The following GREB1L variants were observed in gnomAD, a reference collection of about 807,000 sequenced individuals.
GREB1L encodes the protein GREB1-like protein.
GREB1L carries 17 observed loss-of-function variants against 200.8 expected under a neutral mutation model. The observed-to-expected ratio is 0.08, with a 90% CI of 0.06 to 0.13. The LOEUF (loss-of-function observed/expected upper bound fraction) is 0.13. GREB1L is among the 10% of genes least tolerant of loss of function. The pLI is 1.00. For synonymous variants in GREB1L, 789 were observed against 893.0 expected (o/e 0.88, Z 2.08); for missense variants, 1,657 against 2,367.7 (o/e 0.70, Z 6.23).
intron 1 of GREB1L, among the ~76,000 whole-genome samples, chr18:21,287,629 T>C (rs372156349): frequency 6.6e-6 from 1 of 152,132 alleles, no homozygotes; most frequent in East Asian, 1.9e-4. Flanking sequence ...TTGAATATAT[T>C]TGTGTACCAA....
At chr18:21,389,299 G>T (rs2040685139) in intron 4 of GREB1L, among the ~76,000 whole-genome samples, 1 of 141,774 alleles carries the variant, frequency 7.1e-6, no homozygotes, top group South Asian at 2.2e-4. Flanking sequence ...TGGTTCTCGT[G>T]CCACTTTTAC....
intron 2 of GREB1L, among the ~76,000 whole-genome samples, chr18:21,375,237 G>A (rs2040025226): frequency 6.6e-6 from 1 of 151,630 alleles, no homozygotes; most frequent in African/African-American, 2.4e-5. Flanking sequence ...GCTAATTTTT[G>A]TATTTTTAGT....
chr18:21,277,334 A>G (rs1052426501), intron 1 of GREB1L, among the ~76,000 whole-genome samples: 13 of 152,192 alleles, frequency 8.5e-5, no homozygotes, highest in East Asian at 3.9e-4. Flanking sequence ...CCAGGTTGCC[A>G]TGCTAGGGGT....
intron 21 of GREB1L, among the ~76,000 whole-genome samples, chr18:21,498,533 C>T (rs2036644986): frequency 6.6e-6 from 1 of 152,182 alleles, no homozygotes; most frequent in African/African-American, 2.4e-5. Context: ...AGGAGGAGCA[C>T]AGCCTGTCTT....
chr18:21,404,132 AG>A (rs1354887732), intron 7 of GREB1L, 138 bp downstream of exon 7: 1 of 786,512 alleles, frequency 1.3e-6, no homozygotes, highest in African/African-American at 1.7e-5. Flanking sequence ...TATTAGAGTT[AG>A]AATTCAGCCT....
intron 16 of GREB1L, among the ~76,000 whole-genome samples, chr18:21,474,795 G>A (rs568380293): frequency 1.2e-4 from 19 of 152,242 alleles, no homozygotes; most frequent in Admixed American, 4.6e-4. Context: ...GACATGCCCT[G>A]GAGACATTTT....
At chr18:21,351,660 A>G (rs2039435115) in intron 1 of GREB1L, among the ~76,000 whole-genome samples, 2 of 152,026 alleles carry the variant, frequency 1.3e-5, no homozygotes, top group South Asian at 4.1e-4. Context: ...TAGATATTAC[A>G]TTCTGGGGTA....
Position 21,522,725 on chromosome 18 carries a change from A to G in GREB1L, c.5676A>G (p.Leu1892=), listed in dbSNP as rs576866425. The G allele has an allele frequency of 1.3e-6, 2 of 1,551,720 alleles. No individual in the cohort carries two copies. Among genetic ancestry groups the G allele is most frequent in the African/African-American group, 2.7e-5 (2 of 73,182 alleles). ...GCCAAACAATTGTCCGCTTAGAGCT[A>G]GAAGATGAGTGGCAGTTCCGCCTCC... ...SLRQTIVRLE[L]EDEWQFRLRD... The change falls in exon 33 of 33, where the codon CTA becomes CTG. Residue 1892 remains leucine, a synonymous_variant. Coordinates refer to ENST00000424526, the MANE Select transcript of GREB1L (RefSeq NM_001142966.3).
chr18:21,512,364 A>G (rs141108672), intron 27 of GREB1L, among the ~76,000 whole-genome samples: 2 of 152,276 alleles, frequency 1.3e-5, no homozygotes, highest in Non-Finnish European at 2.9e-5. Flanking sequence ...TCCTTCATCA[A>G]TGCTTTGTAC....
chr18:21,451,186 C>A, intron 13 of GREB1L, 35 bp downstream of exon 13: 1 of 1,546,064 alleles, frequency 6.5e-7, no homozygotes, highest in Non-Finnish European at 8.7e-7. Flanking sequence ...CACTGGCAGC[C>A]CCTAGTTGTA....
At chr18:21,271,285 C>T (rs534683268) in intron 1 of GREB1L, among the ~76,000 whole-genome samples, 1 of 152,122 alleles carries the variant, frequency 6.6e-6, no homozygotes, top group South Asian at 2.1e-4. Flanking sequence ...GGCATGCACT[C>T]TTCTTTCATG....
chr18:21,446,832 T>C (rs2034249671), intron 11 of GREB1L, among the ~76,000 whole-genome samples: 2 of 152,190 alleles, frequency 1.3e-5, no homozygotes, highest in Non-Finnish European at 2.9e-5. Context: ...AAAAGCAAGA[T>C]TCTTCAGAAG....
chr18:21,495,854 G>T, intron 20 of GREB1L, 69 bp downstream of exon 20: 1 of 800,754 alleles, frequency 1.2e-6, no homozygotes, highest in Non-Finnish European at 2.0e-6. Context: ...AAACTTGGCT[G>T]ATGGCCCAGT....
chr18:21,303,441 A>G (rs955846143), intron 1 of GREB1L, among the ~76,000 whole-genome samples: 19 of 152,374 alleles, frequency 1.2e-4, no homozygotes, highest in Middle Eastern at 6.8e-3. Flanking sequence ...GTTTGGGAGA[A>G]CTAAACTATT....
chr18:21,388,600 G>C (rs910220864), intron 4 of GREB1L, among the ~76,000 whole-genome samples: 18 of 140,718 alleles, frequency 1.3e-4, no homozygotes, highest in African/African-American at 4.5e-4. Context: ...GGAGTGCAGT[G>C]GTGGTGCGAT....
At chr18:21,388,613 C>T (rs1422761858) in intron 4 of GREB1L, among the ~76,000 whole-genome samples, 4 of 136,408 alleles carry the variant, frequency 2.9e-5, no homozygotes, top group Non-Finnish European at 3.0e-5. Flanking sequence ...GGTGCGATCT[C>T]GGCTCACTGC....
At chr18:21,438,818 G>A (rs1461256087) in intron 7 of GREB1L, among the ~76,000 whole-genome samples, 4 of 151,328 alleles carry the variant, frequency 2.6e-5, no homozygotes, top group South Asian at 2.1e-4. Context: ...AAAATTAGCC[G>A]GGCATGGTGG....
chr18:21,346,571 A>G (rs2039348767), intron 1 of GREB1L, among the ~76,000 whole-genome samples: 1 of 151,940 alleles, frequency 6.6e-6, no homozygotes, highest in African/African-American at 2.4e-5. Context: ...GTGCTATTTC[A>G]TGTCTTCATG....
At chr18:21,348,456 T>C (rs1422776369) in intron 1 of GREB1L, among the ~76,000 whole-genome samples, 2 of 151,752 alleles carry the variant, frequency 1.3e-5, no homozygotes, top group African/African-American at 4.8e-5. Flanking sequence ...CTGGGTAACA[T>C]AGTGAGACCC....
Sources: allele counts gnomAD v4.1 joint callset (sites outside exome capture counted in the v4.1 genomes callset), GRCh38; gene constraint gnomAD v4.1.1; transcripts MANE v1.5; gene names NCBI Gene and HGNC (gene_info 2026-07-23, HGNC 2026-07-21).